SKI: variants seen among roughly 807,000 people sequenced by gnomAD.
The protein encoded by SKI is ski oncogene.
Under a neutral mutation model 59.3 loss-of-function variants are expected in SKI, and 23 were observed. The ratio of observed to expected loss-of-function variants is 0.39; its 90% CI spans 0.28 to 0.55. The LOEUF is 0.55. SKI is among the 20% of genes least tolerant of loss of function. The probability of loss-of-function intolerance (pLI) is 0.67; values close to 1 mark genes in which losing one functional copy is unlikely to be tolerated. For synonymous variants in SKI, 673 were observed against 488.6 expected (o/e 1.38, Z -4.98); for missense variants, 1,017 against 1,038.9 (o/e 0.98, Z 0.29).
chr1:2,300,908 C>T (rs1202172531), intron 1 of SKI, among the ~76,000 whole-genome samples: 4 of 152,182 alleles, frequency 2.6e-5, no homozygotes, highest in African/African-American at 7.2e-5. Flanking sequence ...ACGGTCCTCC[C>T]GCCACCTCCA....
chr1:2,292,347 G>C (rs1341243168), intron 1 of SKI, among the ~76,000 whole-genome samples: 2 of 152,180 alleles, frequency 1.3e-5, no homozygotes, highest in African/African-American at 4.8e-5. Flanking sequence ...GAGCTGTGCT[G>C]CATGGTAGGG....
chr1:2,236,261 C>T (rs1021546366), intron 1 of SKI, among the ~76,000 whole-genome samples: 9 of 152,182 alleles, frequency 5.9e-5, no homozygotes, highest in African/African-American at 1.2e-4. Context: ...TTAGGGACGC[C>T]TGGTCACGTC....
At chr1:2,275,209 C>T (rs1034441605) in intron 1 of SKI, among the ~76,000 whole-genome samples, 7 of 152,190 alleles carry the variant, frequency 4.6e-5, no homozygotes, top group African/African-American at 1.7e-4. Flanking sequence ...CTGATTCTGT[C>T]TTGGAAGGAA....
chr1:2,254,049 A>T (rs942592219), intron 1 of SKI, among the ~76,000 whole-genome samples: 2 of 152,214 alleles, frequency 1.3e-5, no homozygotes, highest in African/African-American at 4.8e-5. Flanking sequence ...GCTTGTCCGG[A>T]GCTGCCTCAT....
chr1:2,304,591 C>CG lies in SKI; in HGVS notation c.1767+10dup. The CG allele has an allele frequency of 6.5e-7, 1 of 1,546,062 alleles. No homozygotes were observed. Among genetic ancestry groups the CG allele is most frequent in the Non-Finnish European group, 8.7e-7 (1 of 1,144,434 alleles). ...CCAAGCGCAGCCTCCACCAGGTGAG[C>CG]GGGGCGAGTGGTGCTGGGAGGTCCA... On this transcript the variant is annotated splice_region_variant and intron_variant, in intron 5 of 6. Coordinates refer to ENST00000378536, the MANE Select transcript of SKI (RefSeq NM_003036.4).
At position 2,229,745 on chromosome 1, in the gene SKI, C is replaced by T. The variant is rs1422333258; in HGVS notation, c.969+10C>T. On this transcript the variant is annotated intron_variant, in intron 1 of 6. Transcript: ENST00000378536. This position sits in a 1 kb window ranked among gnomAD's most constrained non-coding sequence, Gnocchi z 6.3. ...GCGGCGGGTGCCCCGGGTGAGTGGC[C>T]CCAGGCCTGGGAGCTGGGGAGGATG... 30 of 1,553,926 alleles carry T rather than the reference C, an allele frequency of 1.9e-5. No individual in the cohort carries two copies. The highest frequency in any genetic ancestry group is 2.6e-5 in the Non-Finnish European group (30 of 1,149,150).
chr1:2,231,285 C>G (rs1462852053), intron 1 of SKI, among the ~76,000 whole-genome samples: 1 of 152,170 alleles, frequency 6.6e-6, no homozygotes, highest in African/African-American at 2.4e-5. Flanking sequence ...AAGGCCTGAG[C>G]TGCTGGGACA....
chr1:2,272,237 G>A (rs1248380183), intron 1 of SKI, among the ~76,000 whole-genome samples: 1 of 152,250 alleles, frequency 6.6e-6, no homozygotes, highest in Non-Finnish European at 1.5e-5. Context: ...AAAACCCACT[G>A]AAAGGTCTGA....
In SKI at chr1:2,229,634, G is replaced by A; in HGVS notation, c.868G>A (p.Asp290Asn). 1 of 1,612,490 alleles carries A rather than the reference G, an allele frequency of 6.2e-7. No individual in the cohort carries two copies. Among genetic ancestry groups the A allele is most frequent in the South Asian group, 1.1e-5 (1 of 91,034 alleles). ...NWRAYILLSQ[D>N]YTGKEEQARL... is the part of the protein sequence containing the mutation. ...GCGGGCCTACATCCTGCTGAGCCAGGATTACACGGGCAAGGAGGAGCAGGC... is the reference window on the plus strand; with the variant it reads ...GCGGGCCTACATCCTGCTGAGCCAGAATTACACGGGCAAGGAGGAGCAGGC... The change falls in exon 1 of 7, where the codon GAT becomes AAT. Residue 290 changes from aspartate to asparagine, a missense_variant. Asp to Asn is a conservative substitution (Grantham distance 23, BLOSUM62 1). Transcript: ENST00000378536. This position sits in a 1 kb window ranked among gnomAD's most constrained non-coding sequence, Gnocchi z 6.3.
intron 1 of SKI, among the ~76,000 whole-genome samples, chr1:2,243,630 C>T (rs775234159): frequency 3.9e-5 from 6 of 152,124 alleles, no homozygotes; most frequent in Non-Finnish European, 5.9e-5. Context: ...GAGGGCATGT[C>T]GGTCACGCCA....
chr1:2,256,652 AC>A (rs1639281026), intron 1 of SKI, among the ~76,000 whole-genome samples: 1 of 152,152 alleles, frequency 6.6e-6, no homozygotes, highest in Non-Finnish European at 1.5e-5. Flanking sequence ...GTAACTGGGC[AC>A]CCGTGTATGG....
chr1:2,279,210 TGCCTCTG>T (rs1022359769), intron 1 of SKI, among the ~76,000 whole-genome samples: 3 of 152,210 alleles, frequency 2.0e-5, no homozygotes, highest in Non-Finnish European at 4.4e-5. Context: ...TGAGCGGGAC[TGCCTCTG>T]GCCTTTCTTC....
chr1:2,304,923 C>T (rs772065500), intron 5 of SKI, among the ~76,000 whole-genome samples: 2 of 152,248 alleles, frequency 1.3e-5, no homozygotes, highest in Non-Finnish European at 2.9e-5. Flanking sequence ...GGAGGCCGGG[C>T]TATTTTTAGT....
At chr1:2,281,169 C>T (rs879138088) in intron 1 of SKI, among the ~76,000 whole-genome samples, 472 of 17,138 alleles carry the variant, frequency 0.028, 219 homozygotes, top group African/African-American at 0.056. Flanking sequence ...AGAGAGAGGA[C>T]GCCCGAGAGG....
At chr1:2,287,648 C>CT (rs1206641032) in intron 1 of SKI, among the ~76,000 whole-genome samples, 5 of 151,984 alleles carry the variant, frequency 3.3e-5, no homozygotes, top group African/African-American at 1.2e-4. Flanking sequence ...TCAAGGTGGG[C>CT]TACGAGGGTC....
rs543685442 is a variant in SKI, at chr1:2,297,885, G to A, written c.970-5093G>A. Among the ~76,000 whole-genome samples, 207 of 152,368 alleles carry A rather than the reference G, an allele frequency of 1.4e-3. 1 individual carries two copies. The highest frequency in any genetic ancestry group is 9.6e-4 in the Non-Finnish European group (65 of 68,030). ...TTCCCCTGGAGGGTCCCCTTGCCCC[G>A]TGGCTGCAGCCTGGCAGGAGAAGAC... On this transcript the variant is annotated intron_variant, in intron 1 of 6. Coordinates refer to ENST00000378536, the MANE Select transcript of SKI (RefSeq NM_003036.4).
At chr1:2,240,654 G>A in intron 1 of SKI, 2 of 985,358 alleles carry the variant, frequency 2.0e-6, no homozygotes, top group South Asian at 4.7e-5. Context: ...AAGAAAACTT[G>A]GAATTCTTCG....
chr1:2,258,764 A>T (rs2100834980), intron 1 of SKI, among the ~76,000 whole-genome samples: 1 of 152,084 alleles, frequency 6.6e-6, no homozygotes, highest in South Asian at 2.1e-4. Flanking sequence ...GGTCAGGCTG[A>T]TCTTGAACTC....
At chr1:2,278,778 CCTT>C (rs1397323658) in intron 1 of SKI, among the ~76,000 whole-genome samples, 2 of 152,042 alleles carry the variant, frequency 1.3e-5, no homozygotes, top group African/African-American at 2.4e-5. Flanking sequence ...TGCAGACCCC[CCTT>C]CTTGCAGTCC....
Sources: allele counts gnomAD v4.1 joint callset (sites outside exome capture counted in the v4.1 genomes callset), GRCh38; gene constraint gnomAD v4.1.1; non-coding constraint Gnocchi (gnomAD v3.1); transcripts MANE v1.5; gene names NCBI Gene and HGNC (gene_info 2026-07-23, HGNC 2026-07-21).